LCLAT1: variants seen among roughly 807,000 people sequenced by gnomAD.
LCLAT1 encodes the protein 1-AGP acyltransferase 8.
Under a neutral mutation model 30.7 loss-of-function variants are expected in LCLAT1, and 11 were observed. That is an observed-to-expected ratio of 0.36 (90% CI 0.23 to 0.59). The LOEUF (loss-of-function observed/expected upper bound fraction) is 0.59, where lower values mean the gene tolerates loss of function less well. Ranked by LOEUF, LCLAT1 falls within the 20% of genes least tolerant of loss-of-function variation. The probability of loss-of-function intolerance (pLI) is 0.77; values close to 1 mark genes in which losing one functional copy is unlikely to be tolerated. For synonymous variants in LCLAT1, 155 were observed against 151.3 expected (o/e 1.02, Z -0.18); for missense variants, 402 against 458.6 (o/e 0.88, Z 1.13).
chr2:30,475,218 A>G (rs980214526), intron 1 of LCLAT1, among the ~76,000 whole-genome samples: 7 of 150,948 alleles, frequency 4.6e-5, no homozygotes, highest in Non-Finnish European at 1.0e-4. Flanking sequence ...AGGCTGGTCT[A>G]GAACTCCTGG....
At chr2:30,542,842 T>C (rs1305824571) in intron 3 of LCLAT1, among the ~76,000 whole-genome samples, 1 of 152,144 alleles carries the variant, frequency 6.6e-6, no homozygotes, top group Non-Finnish European at 1.5e-5. Context: ...CCTGCAACTT[T>C]TCAAAATTCA....
At chr2:30,529,777 T>C (rs1685901237) in intron 2 of LCLAT1, among the ~76,000 whole-genome samples, 1 of 152,242 alleles carries the variant, frequency 6.6e-6, no homozygotes, top group African/African-American at 2.4e-5. Flanking sequence ...ACTGTTGCTC[T>C]TAACAAAGTG....
In LCLAT1 at chr2:30,596,029, G is replaced by C. The variant is rs189529596; in HGVS notation, c.628+27853G>C. Among the ~76,000 whole-genome samples the C allele has an allele frequency of 7.5e-3, 1,139 of 152,154 alleles. 7 individuals carry two copies. Among genetic ancestry groups the C allele is most frequent in the Admixed American group, 0.011 (175 of 15,276 alleles). On this transcript the variant is annotated intron_variant, in intron 5 of 5. Coordinates refer to ENST00000379509, the MANE Select transcript of LCLAT1 (RefSeq NM_001002257.3). ...GTGTATATGTACCACATTTTCTTTA[G>C]TCTGTCATTGATGGGAATTTAGGCT...
intron 5 of LCLAT1, among the ~76,000 whole-genome samples, chr2:30,589,666 C>T (rs1177688745): frequency 6.6e-6 from 1 of 152,110 alleles, no homozygotes; most frequent in Non-Finnish European, 1.5e-5. Flanking sequence ...TAGTACATGG[C>T]GTATCTTCTT....
At chr2:30,568,954 C>G (rs1316398585) in intron 5 of LCLAT1, among the ~76,000 whole-genome samples, 2 of 148,398 alleles carry the variant, frequency 1.3e-5, no homozygotes, top group African/African-American at 2.5e-5. Flanking sequence ...ATATCATTCT[C>G]TTACTATTTT....
At chr2:30,556,181 T>G (rs1329516822) in intron 3 of LCLAT1, among the ~76,000 whole-genome samples, 2 of 152,182 alleles carry the variant, frequency 1.3e-5, no homozygotes, top group Non-Finnish European at 2.9e-5. Flanking sequence ...TCTGTCATGG[T>G]AACAATGAAG....
chr2:30,482,316 T>C (rs1442735788), intron 1 of LCLAT1, among the ~76,000 whole-genome samples: 1 of 152,198 alleles, frequency 6.6e-6, no homozygotes, highest in Non-Finnish European at 1.5e-5. Flanking sequence ...CATGTTATAA[T>C]TAGCACTGGC....
intron 1 of LCLAT1, among the ~76,000 whole-genome samples, chr2:30,484,556 C>T (rs1683473389): frequency 6.6e-6 from 1 of 152,204 alleles, no homozygotes; most frequent in Admixed American, 6.5e-5. Flanking sequence ...AAGATAATAG[C>T]ACTAGAAAAG....
intron 1 of LCLAT1, among the ~76,000 whole-genome samples, chr2:30,465,921 A>G (rs1442689302): frequency 1.3e-5 from 2 of 152,038 alleles, no homozygotes; most frequent in Non-Finnish European, 2.9e-5. Context: ...CCCAAATTTT[A>G]TTTTTTTCAA....
At chr2:30,501,989 C>T (rs1179582541) in intron 1 of LCLAT1, among the ~76,000 whole-genome samples, 1 of 152,126 alleles carries the variant, frequency 6.6e-6, no homozygotes, top group East Asian at 1.9e-4. Flanking sequence ...GAAATCCTGG[C>T]TTCTGATTTT....
At chr2:30,571,500 CTT>C (rs1364059181) in intron 5 of LCLAT1, among the ~76,000 whole-genome samples, 997 of 152,268 alleles carry the variant, frequency 6.5e-3, no homozygotes, top group African/African-American at 0.023. Flanking sequence ...TAGATTTTTG[CTT>C]ACTGCACAAC....
At chr2:30,514,823 A>G (rs1685106307) in intron 1 of LCLAT1, among the ~76,000 whole-genome samples, 1 of 152,216 alleles carries the variant, frequency 6.6e-6, no homozygotes, top group Non-Finnish European at 1.5e-5. Flanking sequence ...TCTTAACAAA[A>G]TCAATCTGTA....
intron 5 of LCLAT1, among the ~76,000 whole-genome samples, chr2:30,585,409 A>T (rs1278361981): frequency 6.6e-6 from 1 of 152,156 alleles, no homozygotes. Flanking sequence ...GGGGAGACTT[A>T]GCACCTGGCT....
chr2:30,532,124 A>G (rs1438134702), intron 2 of LCLAT1, among the ~76,000 whole-genome samples: 1 of 152,128 alleles, frequency 6.6e-6, no homozygotes, highest in African/African-American at 2.4e-5. Context: ...CATTTATTGT[A>G]TATATTTTTG....
At chr2:30,457,279 AT>A (rs920965134) in intron 1 of LCLAT1, among the ~76,000 whole-genome samples, 17 of 152,150 alleles carry the variant, frequency 1.1e-4, no homozygotes, top group Admixed American at 5.2e-4. Flanking sequence ...GTGGATCCTT[AT>A]CTAAAAGAAA....
intron 1 of LCLAT1, among the ~76,000 whole-genome samples, chr2:30,480,041 C>A (rs1169553812): frequency 1.3e-5 from 2 of 152,096 alleles, no homozygotes; most frequent in African/African-American, 4.8e-5. Flanking sequence ...TAGAGATAAA[C>A]CTTTGAAAAC....
At chr2:30,604,076 A>G (rs1308885877) in intron 5 of LCLAT1, among the ~76,000 whole-genome samples, 3 of 124,154 alleles carry the variant, frequency 2.4e-5, no homozygotes, top group Non-Finnish European at 5.4e-5. Context: ...TATTTGGACC[A>G]TGGAAGAACA....
At chr2:30,509,301 A>G (rs370121357) in intron 1 of LCLAT1, among the ~76,000 whole-genome samples, 2 of 152,176 alleles carry the variant, frequency 1.3e-5, no homozygotes, top group African/African-American at 2.4e-5. Flanking sequence ...TTCCAATTCT[A>G]TGTTGAATAG....
chr2:30,462,716 G>A (rs988401786), intron 1 of LCLAT1, among the ~76,000 whole-genome samples: 1 of 152,192 alleles, frequency 6.6e-6, no homozygotes, highest in Non-Finnish European at 1.5e-5. Context: ...TTCGGGGCTA[G>A]CCTGCGTGAT....
Sources: allele counts gnomAD v4.1 joint callset (sites outside exome capture counted in the v4.1 genomes callset), GRCh38; gene constraint gnomAD v4.1.1; transcripts MANE v1.5; gene names NCBI Gene and HGNC (gene_info 2026-07-23, HGNC 2026-07-21).